Variants in CPNE4 observed in about 807,000 individuals in gnomAD.
CPNE4 encodes copine-4.
A neutral mutation model predicts 67.9 loss-of-function variants in CPNE4; 25 were observed. The ratio of observed to expected loss-of-function variants is 0.37; its 90% CI spans 0.27 to 0.51. The LOEUF (loss-of-function observed/expected upper bound fraction) is 0.51. CPNE4 is among the 20% of genes least tolerant of loss of function. The pLI is 0.93. For synonymous variants in CPNE4, 242 were observed against 244.9 expected (o/e 0.99, Z 0.11); for missense variants, 464 against 690.8 (o/e 0.67, Z 3.68).
intron 10 of CPNE4, among the ~76,000 whole-genome samples, chr3:131,573,189 C>G (rs1319164805): frequency 6.6e-6 from 1 of 152,052 alleles, no homozygotes; most frequent in Non-Finnish European, 1.5e-5. Context: ...TGGGGAGGAA[C>G]TATTGTTGGC....
chr3:131,706,876 A>G lies in CPNE4; in HGVS notation c.361-6896T>C, dbSNP rs1030415118. 1.5e-4 allele frequency among the ~76,000 whole-genome samples: 23 copies of G among 152,142 alleles called. 1 individual carries two copies. On this transcript the variant is annotated intron_variant, in intron 3 of 15. Transcript: ENST00000429747. ...AACCAGAAAATTTTTGAATCTATCT[A>G]TGATCCCAATGCCCCCCACCCCACT...
intron 2 of CPNE4, among the ~76,000 whole-genome samples, chr3:131,896,289 G>A (rs925367888): frequency 6.6e-6 from 1 of 151,640 alleles, no homozygotes; most frequent in Non-Finnish European, 1.5e-5. Flanking sequence ...TGATAAAAAG[G>A]GCAGCATACA....
intron 2 of CPNE4, among the ~76,000 whole-genome samples, chr3:131,877,266 G>A (rs1269906846): frequency 1.3e-5 from 2 of 152,092 alleles, no homozygotes; most frequent in African/African-American, 4.8e-5. Context: ...TGCCTAAAAT[G>A]TCGATACATT....
rs531150786 is a variant in CPNE4 at position 131,629,359 on chromosome 3, G to A, written c.681+40316C>T. 5.3e-5 allele frequency among the ~76,000 whole-genome samples: 8 copies of A among 150,992 alleles called. No individual in the cohort carries two copies. The South Asian group carries it at 1.7e-3, about 31-fold the overall frequency. ...CTCAGATGATTATTGGCATTTTTTAGCAAGAATATTTTTAAATTAAGGTAT... is the reference window on the plus strand; with the variant it reads ...CTCAGATGATTATTGGCATTTTTTAACAAGAATATTTTTAAATTAAGGTAT... On this transcript the variant is annotated intron_variant, in intron 7 of 15. Coordinates refer to ENST00000429747, the MANE Select transcript of CPNE4 (RefSeq NM_130808.3).
chr3:131,626,673 G>A lies in CPNE4; in HGVS notation c.682-39091C>T, dbSNP rs373381873. On this transcript the variant is annotated intron_variant, in intron 7 of 15. Transcript: ENST00000429747. ...TGGAGAAGCTAAAGCATGTAACCCA[G>A]AAGATCCAGCTATGATCATTGATGA... Among the ~76,000 whole-genome samples, 20 of 152,348 alleles carry A rather than the reference G, an allele frequency of 1.3e-4. No homozygotes were observed. The South Asian group carries it at 4.1e-3, about 32-fold the overall frequency.
chr3:131,925,258 A>G (rs1216996536), intron 1 of CPNE4, among the ~76,000 whole-genome samples: 6 of 151,924 alleles, frequency 3.9e-5, no homozygotes, highest in African/African-American at 1.2e-4. Flanking sequence ...CCCACACAAC[A>G]TACCACATTT....
chr3:131,573,641 C>A (rs888908742), intron 10 of CPNE4, among the ~76,000 whole-genome samples: 1 of 152,062 alleles, frequency 6.6e-6, no homozygotes. Context: ...CCTGAAATCA[C>A]GTTTTTGCCT....
At chr3:132,029,795 T>C (rs905159706) in intron 1 of CPNE4, among the ~76,000 whole-genome samples, 1 of 152,206 alleles carries the variant, frequency 6.6e-6, no homozygotes, top group Non-Finnish European at 1.5e-5. Context: ...AAAAGCAACA[T>C]TTAAGAAAGT....
intron 1 of CPNE4, among the ~76,000 whole-genome samples, chr3:131,975,219 A>G (rs1281377479): frequency 6.6e-6 from 1 of 152,166 alleles, no homozygotes; most frequent in East Asian, 1.9e-4. Context: ...GTCCCTTTCA[A>G]CACTAAGCCT....
At chr3:131,834,633 A>G (rs778937337) in intron 2 of CPNE4, among the ~76,000 whole-genome samples, 1 of 152,182 alleles carries the variant, frequency 6.6e-6, no homozygotes, top group Non-Finnish European at 1.5e-5. Flanking sequence ...AATCAATTCA[A>G]GATAGATTAT....
intron 1 of CPNE4, among the ~76,000 whole-genome samples, chr3:131,955,040 T>G (rs1047101443): frequency 6.6e-6 from 1 of 151,142 alleles, no homozygotes; most frequent in African/African-American, 2.4e-5. Context: ...AACCACCAGC[T>G]AGAAATCGCA....
intron 1 of CPNE4, among the ~76,000 whole-genome samples, chr3:132,015,943 T>C (rs1340758178): frequency 6.6e-6 from 1 of 152,242 alleles, no homozygotes; most frequent in Non-Finnish European, 1.5e-5. Flanking sequence ...GGATTGGGGA[T>C]ATTGAAACTA....
chr3:131,702,786 A>G (rs2081333359), intron 3 of CPNE4, among the ~76,000 whole-genome samples: 1 of 152,242 alleles, frequency 6.6e-6, no homozygotes, highest in Non-Finnish European at 1.5e-5. Flanking sequence ...TAACTTATCT[A>G]GAAATACCAA....
chr3:131,670,672 G>T (rs2080388166), intron 6 of CPNE4, among the ~76,000 whole-genome samples: 1 of 152,192 alleles, frequency 6.6e-6, no homozygotes. Context: ...AGACACTCTG[G>T]AGGTGGGTCT....
intron 1 of CPNE4, among the ~76,000 whole-genome samples, chr3:131,973,038 C>A (rs1028897906): frequency 6.6e-6 from 1 of 152,138 alleles, no homozygotes; most frequent in East Asian, 1.9e-4. Flanking sequence ...TGTACATACA[C>A]CCCTTAACTC....
chr3:131,982,530 C>T (rs1026865982), intron 1 of CPNE4, among the ~76,000 whole-genome samples: 1 of 152,158 alleles, frequency 6.6e-6, no homozygotes, highest in South Asian at 2.1e-4. Context: ...TTATTATAAA[C>T]AATTTCTCAT....
intron 2 of CPNE4, among the ~76,000 whole-genome samples, chr3:131,806,668 A>G (rs1236828987): frequency 6.6e-6 from 1 of 151,552 alleles, no homozygotes; most frequent in Non-Finnish European, 1.5e-5. Flanking sequence ...AAAAGTGAAA[A>G]TTTTATTTAA....
chr3:131,668,600 G>C (rs1311481507), intron 7 of CPNE4, among the ~76,000 whole-genome samples: 1 of 152,234 alleles, frequency 6.6e-6, no homozygotes, highest in South Asian at 2.1e-4. Flanking sequence ...CTGCTTGATG[G>C]TTGTGTTTTT....
chr3:131,673,149 A>C (rs1357139470), intron 6 of CPNE4, among the ~76,000 whole-genome samples: 1 of 152,016 alleles, frequency 6.6e-6, no homozygotes, highest in Non-Finnish European at 1.5e-5. Context: ...AACTCAATGC[A>C]TGTGTATGAA....
Sources: gnomAD v4.1 joint callset for allele counts (sites outside exome capture counted in the v4.1 genomes callset) on GRCh38, gnomAD v4.1.1 for gene constraint, MANE v1.5 for transcripts, NCBI Gene and HGNC (gene_info 2026-07-23, HGNC 2026-07-21) for gene names.